Variants in GSDME observed in about 807,000 individuals in gnomAD.
GSDME encodes gasdermin E.
In GSDME, 44 loss-of-function variants were observed where a neutral mutation model predicts 47.5. That is an observed-to-expected ratio of 0.93 (90% CI 0.73 to 1.19). The LOEUF (loss-of-function observed/expected upper bound fraction) is 1.19, where lower values mean the gene tolerates loss of function less well. Among genes scored for constraint, GSDME ranks in the 50% most tolerant of loss-of-function variants. The pLI is 0.00. For missense variants in GSDME, 663 were observed against 604.2 expected (o/e 1.10, Z -1.02); for synonymous variants, 258 against 252.8 (o/e 1.02, Z -0.20).
chr7:24,725,920 T>C lies in GSDME; in HGVS notation c.405-6702A>G, dbSNP rs774130107. The stretch of plus-strand genomic sequence containing the variant: ...CAAAGCAATTAAGAGCATGGCTCCA[T>C]GGACACAGGACAGGAGTTGGATACA... On this transcript the variant is annotated intron_variant, in intron 3 of 9. Transcript: ENST00000645220. The surrounding 1 kb of genome is among the most constrained non-coding windows in gnomAD (Gnocchi z 5.1). 8.5e-5 allele frequency among the ~76,000 whole-genome samples: 13 copies of C among 152,152 alleles called. No homozygotes were observed. The highest frequency in any genetic ancestry group is 1.6e-4 in the Non-Finnish European group (11 of 68,030).
chr7:24,782,409 T>C, the GSDME span, among the ~76,000 whole-genome samples: 1 of 152,200 alleles, frequency 6.6e-6, no homozygotes. Context: ...TCTTTATTTA[T>C]GGCTGCATAG....
chr7:24,716,875 C>CT lies in GSDME; in HGVS notation c.697+378dup. The CT allele has an allele frequency of 9.5e-6, 3 of 314,744 alleles. No individual in the cohort carries two copies. The highest frequency in any genetic ancestry group is 6.3e-6 in the Non-Finnish European group (1 of 159,944). 19.5% of individuals were successfully genotyped at this position (314,744 alleles called of 1,614,324 possible). The stretch of plus-strand genomic sequence containing the variant: ...CCTTCCAGAGACAGGGAAGCCAAGA[C>CT]TCAGCAAGATTCAGCAACTTGCCTG... On this transcript the variant is annotated intron_variant, in intron 5 of 9. Coordinates refer to ENST00000645220, the MANE Select transcript of GSDME (RefSeq NM_001127453.2). The surrounding 1 kb of genome is among the most constrained non-coding windows in gnomAD (Gnocchi z 4.5).
In GSDME at chr7:24,732,556, T is replaced by C. The variant is rs556102566; in HGVS notation, c.404+12006A>G. Among the ~76,000 whole-genome samples, 27 of 152,262 alleles carry C rather than the reference T, an allele frequency of 1.8e-4. No individual in the cohort carries two copies. Among genetic ancestry groups the C allele is most frequent in the African/African-American group, 6.3e-4 (26 of 41,560 alleles). ...GAGGGTAGGAAAGGCAGTCTTGAAT[T>C]GCCAACACCACCCCTCCCCTATCTC... On this transcript the variant is annotated intron_variant, in intron 3 of 9. Coordinates refer to ENST00000645220, the MANE Select transcript of GSDME (RefSeq NM_001127453.2). The surrounding 1 kb of genome is among the most constrained non-coding windows in gnomAD (Gnocchi z 4.8).
At chr7:24,722,073 C>T (rs1789810823) in intron 3 of GSDME, among the ~76,000 whole-genome samples, 1 of 152,222 alleles carries the variant, frequency 6.6e-6, no homozygotes, top group Non-Finnish European at 1.5e-5. Flanking sequence ...TGGCCTGCCT[C>T]CTCCATCAAG....
the GSDME span, among the ~76,000 whole-genome samples, chr7:24,777,273 G>C: frequency 6.6e-6 from 1 of 152,154 alleles, no homozygotes; most frequent in African/African-American, 2.4e-5. Context: ...CGATCCTCTA[G>C]TTTGCCTATG....
At chr7:24,741,125 C>T (rs1175788970) in intron 3 of GSDME, among the ~76,000 whole-genome samples, 2 of 152,098 alleles carry the variant, frequency 1.3e-5, no homozygotes, top group Non-Finnish European at 2.9e-5. Context: ...AAACGGCTTA[C>T]CAAGTCGACC....
chr7:24,759,521 T>A (rs1463741644), upstream of GSDME, among the ~76,000 whole-genome samples: 1 of 152,208 alleles, frequency 6.6e-6, no homozygotes, highest in Non-Finnish European at 1.5e-5. Flanking sequence ...GTACATTACA[T>A]GCAATGATTG....
chr7:24,743,021 G>A (rs1410734424), intron 3 of GSDME, among the ~76,000 whole-genome samples: 2 of 152,204 alleles, frequency 1.3e-5, no homozygotes, highest in Non-Finnish European at 2.9e-5. Flanking sequence ...AACCCCTGGT[G>A]GAGTCACAGC....
chr7:24,700,324 C>T (rs1018280622), intron 9 of GSDME, among the ~76,000 whole-genome samples: 1 of 152,034 alleles, frequency 6.6e-6, no homozygotes, highest in Non-Finnish European at 1.5e-5. Context: ...ATTTGATTTG[C>T]TTTTAGGGTC....
At chr7:24,753,701 T>TAG (rs1391425682) in intron 1 of GSDME, among the ~76,000 whole-genome samples, 5 of 152,258 alleles carry the variant, frequency 3.3e-5, no homozygotes, top group African/African-American at 9.6e-5. Context: ...AGCCTAGTTT[T>TAG]AGGTTGTGTT....
the GSDME span, among the ~76,000 whole-genome samples, chr7:24,781,074 T>G: frequency 0.086 from 13,138 of 152,242 alleles, 789 homozygotes; most frequent in Non-Finnish European, 0.13. Context: ...TTATGTACCA[T>G]GAAAAGCGCA....
rs192126795 is a variant in GSDME at position 24,709,551 on chromosome 7, C to T, written c.862+673G>A. ...TCTGTGCTTACCCTCCAAGCCAGCG[C>T]GCACACGGAGCGGTTCCTAGCTCTT... On this transcript the variant is annotated intron_variant, in intron 6 of 9. Coordinates refer to ENST00000645220, the MANE Select transcript of GSDME (RefSeq NM_001127453.2). 5.4e-4 allele frequency among the ~76,000 whole-genome samples: 82 copies of T among 152,142 alleles called. No homozygotes were observed. In the East Asian group the frequency reaches 0.012, roughly 23 times the overall value.
At chr7:24,741,226 A>C (rs1790480517) in intron 3 of GSDME, among the ~76,000 whole-genome samples, 1 of 152,198 alleles carries the variant, frequency 6.6e-6, no homozygotes. Context: ...TGGCTTTTAT[A>C]CTTATGGTAG....
At chr7:24,707,014 A>G (rs557681831) in intron 7 of GSDME, among the ~76,000 whole-genome samples, 2 of 152,264 alleles carry the variant, frequency 1.3e-5, no homozygotes, top group African/African-American at 2.4e-5. Context: ...GGAAGAAGTT[A>G]TTTTCGGAAG....
At chr7:24,717,058 C>T in intron 5 of GSDME, 196 bp downstream of exon 5, 1 of 635,064 alleles carries the variant, frequency 1.6e-6, no homozygotes, top group South Asian at 1.8e-5. Context: ...CTCCAGGCAT[C>T]CCTCACCACA....
chr7:24,702,891 C>A, intron 8 of GSDME, 58 bp from the exon 9 acceptor site: 1 of 1,470,986 alleles, frequency 6.8e-7, no homozygotes, highest in Non-Finnish European at 9.5e-7. Flanking sequence ...GGGAACAGAG[C>A]CAGCCCCTGG....
intron 2 of GSDME, among the ~76,000 whole-genome samples, chr7:24,746,250 A>G (rs1387875981): frequency 6.6e-6 from 1 of 152,194 alleles, no homozygotes; most frequent in Non-Finnish European, 1.5e-5. Flanking sequence ...TTTTGTTAAT[A>G]TCTCATGGAA....
At chr7:24,748,450 G>A (rs1790750049) in intron 2 of GSDME, among the ~76,000 whole-genome samples, 1 of 152,068 alleles carries the variant, frequency 6.6e-6, no homozygotes, top group African/African-American at 2.4e-5. Flanking sequence ...GAGCCACCAC[G>A]CCCGGCCTAC....
chr7:24,705,976 C>A lies in GSDME; in HGVS notation c.1183+208G>T. ...AGGGCCCTCCGGGAGAGTAGGGAGGCTTGTGCTGGATGGAAAGGCACAGAC... is the reference window on the plus strand; with the variant it reads ...AGGGCCCTCCGGGAGAGTAGGGAGGATTGTGCTGGATGGAAAGGCACAGAC... On this transcript the variant is annotated intron_variant, in intron 8 of 9. Coordinates refer to ENST00000645220, the MANE Select transcript of GSDME (RefSeq NM_001127453.2). This position sits in a 1 kb window ranked among gnomAD's most constrained non-coding sequence, Gnocchi z 4.1. The A allele has an allele frequency of 1.5e-6, 1 of 660,910 alleles. No individual in the cohort carries two copies. The highest frequency in any genetic ancestry group is 2.7e-6 in the Non-Finnish European group (1 of 374,172). The allele number at this position is 660,910 out of a possible 1,614,324, so 40.9% of individuals were successfully genotyped here.
Sources: gnomAD v4.1 joint callset for allele counts (sites outside exome capture counted in the v4.1 genomes callset) on GRCh38, gnomAD v4.1.1 for gene constraint, Gnocchi (gnomAD v3.1) non-coding constraint, MANE v1.5 for transcripts, NCBI Gene and HGNC (gene_info 2026-07-23, HGNC 2026-07-21) for gene names.